Variants in CIMAP1D observed in about 807,000 individuals in gnomAD.
The protein encoded by CIMAP1D is protein CIMAP1D.
the CIMAP1D span, among the ~76,000 whole-genome samples, chr19:478,626 A>G: frequency 6.6e-6 from 1 of 152,292 alleles, no homozygotes; most frequent in Admixed American, 6.5e-5. Flanking sequence ...AATGAGATGC[A>G]AATGAATTCA....
chr19:488,980 T>C, the CIMAP1D span, among the ~76,000 whole-genome samples: 4 of 152,038 alleles, frequency 2.6e-5, no homozygotes. Flanking sequence ...CAAGCCCGCA[T>C]CAGCCCGCCA....
the CIMAP1D span, chr19:474,639 T>A: frequency 1.9e-6 from 3 of 1,572,750 alleles, no homozygotes; most frequent in Non-Finnish European, 2.6e-6. Context: ...AGGGTGGCCG[T>A]CCCACAGGAC....
the CIMAP1D span, among the ~76,000 whole-genome samples, chr19:482,715 G>C: frequency 6.6e-6 from 1 of 152,104 alleles, no homozygotes; most frequent in African/African-American, 2.4e-5. Flanking sequence ...GGACAGAGGC[G>C]GAGGTCACAA....
At chr19:477,182 T>G in the CIMAP1D span, among the ~76,000 whole-genome samples, 28 of 152,322 alleles carry the variant, frequency 1.8e-4, no homozygotes, top group African/African-American at 6.7e-4. Flanking sequence ...CACTCCAGCC[T>G]AGGCCTAAGT....
chr19:472,714 G>A, the CIMAP1D span: 1 of 522,592 alleles, frequency 1.9e-6, no homozygotes, highest in Non-Finnish European at 3.4e-6. Flanking sequence ...GCTGGGGACA[G>A]CAGCCCCCCT....
the CIMAP1D span, chr19:467,596 G>A: frequency 6.1e-6 from 7 of 1,150,296 alleles, no homozygotes; most frequent in Admixed American, 8.4e-5. Context: ...CAGGAGAGTC[G>A]CTGAGACCCT....
the CIMAP1D span, chr19:472,591 C>G: frequency 5.5e-6 from 5 of 916,898 alleles, no homozygotes; most frequent in African/African-American, 3.5e-5. Flanking sequence ...AGCCTGGGTT[C>G]CCCTCTCCCT....
chr19:484,302 G>A, the CIMAP1D span, among the ~76,000 whole-genome samples: 5 of 151,814 alleles, frequency 3.3e-5, no homozygotes, highest in South Asian at 2.1e-4. Flanking sequence ...CACCACGCCC[G>A]GCTAATTTTT....
At chr19:464,148 G>GTGGGGGGGGGGGA in the CIMAP1D span, 1 of 599,460 alleles carries the variant, frequency 1.7e-6, no homozygotes, top group African/African-American at 1.9e-5. Flanking sequence ...GGCGGGGGGG[G>GTGGGGGGGGGGGA]TGCGGCCCAC....
At chr19:482,317 G>A in the CIMAP1D span, among the ~76,000 whole-genome samples, 4 of 152,118 alleles carry the variant, frequency 2.6e-5, no homozygotes, top group Admixed American at 1.3e-4. Context: ...ACCTGTGGAC[G>A]CTGTGTCGGG....
the CIMAP1D span, among the ~76,000 whole-genome samples, chr19:481,652 A>G: frequency 7.2e-5 from 11 of 152,018 alleles, no homozygotes; most frequent in South Asian, 2.3e-3. Context: ...ATGGGAAAGG[A>G]TAATGGGAAG....
At chr19:471,147 T>C in the CIMAP1D span, among the ~76,000 whole-genome samples, 2 of 152,236 alleles carry the variant, frequency 1.3e-5, no homozygotes, top group Non-Finnish European at 2.9e-5. Context: ...TGTTTTTGTT[T>C]TCTTTTCTTT....
At chr19:483,495 A>G in the CIMAP1D span, among the ~76,000 whole-genome samples, 1 of 152,140 alleles carries the variant, frequency 6.6e-6, no homozygotes, top group Admixed American at 6.5e-5. Context: ...ACACGGAGCT[A>G]TGAGATCATG....
At chr19:485,115 C>T in the CIMAP1D span, among the ~76,000 whole-genome samples, 3 of 151,798 alleles carry the variant, frequency 2.0e-5, no homozygotes, top group Non-Finnish European at 4.4e-5. Context: ...CCTGGAAGGG[C>T]GGGTGCAACC....
chr19:486,320 C>A, the CIMAP1D span, among the ~76,000 whole-genome samples: 3 of 152,186 alleles, frequency 2.0e-5, no homozygotes, highest in Non-Finnish European at 4.4e-5. Context: ...TCAGCCTCTG[C>A]ACTCACCGTA....
At chr19:488,797 G>A in the CIMAP1D span, among the ~76,000 whole-genome samples, 1 of 152,310 alleles carries the variant, frequency 6.6e-6, no homozygotes, top group Non-Finnish European at 1.5e-5. Flanking sequence ...GGCTCCTTGG[G>A]CGAACGGCCA....
chr19:489,888 G>C, the CIMAP1D span: 1 of 388,688 alleles, frequency 2.6e-6, no homozygotes, highest in African/African-American at 2.1e-5. Flanking sequence ...CCAGCCAGGA[G>C]GCTGCGGCTC....
At chr19:463,557 G>C in the CIMAP1D span, 1 of 490,512 alleles carries the variant, frequency 2.0e-6, no homozygotes, top group Non-Finnish European at 3.6e-6. Flanking sequence ...AGCTACTGGG[G>C]AGGGCCGGAA....
chr19:480,503 AGAAGGATGATGGG>A, the CIMAP1D span, among the ~76,000 whole-genome samples: 35 of 101,198 alleles, frequency 3.5e-4, 1 homozygote, highest in African/African-American at 1.0e-3. Context: ...AGGATGATGG[AGAAGGATGATGGG>A]GAAGGATGAT....
Sources: gnomAD v4.1 joint callset for allele counts (sites outside exome capture counted in the v4.1 genomes callset) on GRCh38, gnomAD v4.1.1 for gene constraint, MANE v1.5 for transcripts, NCBI Gene and HGNC (gene_info 2026-07-23, HGNC 2026-07-21) for gene names.